UBA7: variants seen among roughly 807,000 people sequenced by gnomAD.
UBA7 encodes the protein ubiquitin like modifier activating enzyme 7.
In UBA7, 88 loss-of-function variants were observed where a neutral mutation model predicts 113.0. The observed-to-expected ratio is 0.78, with a 90% CI of 0.66 to 0.93. The LOEUF is 0.93. UBA7 is among the 40% of genes least tolerant of loss of function. The pLI is 0.00. For missense variants in UBA7, 1,092 were observed against 1,266.4 expected (o/e 0.86, Z 2.09); for synonymous variants, 459 against 513.0 (o/e 0.89, Z 1.42).
At position 49,806,074 on chromosome 3, in the gene UBA7, T is replaced by G; in HGVS notation, c.2807A>C (p.Gln936Pro). Residue 936 changes from glutamine (Q) to proline (P), a missense_variant and splice_region_variant, in exon 22 of 24, where the codon CAG becomes CCG. Around this residue, in one of 3 missense-constraint regions of UBA7, gnomAD observed 500 missense variants for 529.3 expected, o/e 0.94. Coordinates refer to ENST00000333486, the MANE Select transcript of UBA7 (RefSeq NM_003335.3). ...GGTTGGGGTAGCAACAGGGCACACC[T>G]GAAGATGAGCCAGCAGCGACTCCAG... Reference protein sequence around the residue: ...RTLESLLAHLQEQHGLRVRIL... With the variant: ...RTLESLLAHLPEQHGLRVRIL... 1.3e-6 allele frequency: 2 copies of G among 1,588,906 alleles called. No homozygotes were observed. The highest frequency in any genetic ancestry group is 1.7e-6 in the Non-Finnish European group (2 of 1,168,032).
At position 49,810,618 on chromosome 3, in the gene UBA7, G is replaced by C; in HGVS notation, c.1366C>G (p.Leu456Val). 1 of 1,614,160 alleles carries C rather than the reference G, an allele frequency of 6.2e-7. No homozygotes were observed. The highest frequency in any genetic ancestry group is 8.5e-7 in the Non-Finnish European group (1 of 1,180,022). Reference sequence around the variant, plus strand: ...AAGCCCCCGCTGTTCCCGGCCCCCAGTCCCACTAGGGCAAAGACTTTGAGC... The same window carrying C: ...AAGCCCCCGCTGTTCCCGGCCCCCACTCCCACTAGGGCAAAGACTTTGAGC... ...ELLKVFALVG[L>V]GAGNSGGLTV... is the part of the protein sequence containing the mutation. The change falls in exon 12 of 24, where the codon CTG becomes GTG. Residue 456 changes from leucine to valine, a missense_variant. Leu to Val is a conservative substitution (Grantham distance 32). Around this residue, in one of 3 missense-constraint regions of UBA7, gnomAD observed 584 missense variants for 714.5 expected, o/e 0.82. Transcript: ENST00000333486. The surrounding 1 kb of genome is among the most constrained non-coding windows in gnomAD (Gnocchi z 5.6).
rs1412024489 is a variant in UBA7 at position 49,812,347 on chromosome 3, T to C, written c.694+61A>G. ...GAAAAACCCATCCCAAGGGCCAGGC[T>C]GTGCTCACTTCCAGTGGAGGCTTGG... On this transcript the variant is annotated intron_variant, in intron 6 of 23. Transcript: ENST00000333486. 3 of 1,612,232 alleles carry C rather than the reference T, an allele frequency of 1.9e-6. No homozygotes were observed. In the Admixed American group the frequency reaches 5.0e-5, roughly 27 times the overall value.
Position 49,809,589 on chromosome 3 carries a change from A to C in UBA7, c.2041T>G (p.Phe681Val). 1 of 1,614,116 alleles carries C rather than the reference A, an allele frequency of 6.2e-7. No homozygotes were observed. The highest frequency in any genetic ancestry group is 1.1e-5 in the South Asian group (1 of 91,090). The change falls in exon 16 of 24, where the codon TTT becomes GTT. Residue 681 changes from phenylalanine to valine, a missense_variant. By Grantham distance (50) the Phe-to-Val change is conservative (BLOSUM62 -1). Transcript: ENST00000333486. The stretch of plus-strand genomic sequence containing the variant: ...AGCAGCTGTTTGATGCCATAATGAA[A>C]GCAGAGTTTCCAGTGGCCAAGAGCC... The part of the protein sequence containing the change: ...AWALGHWKLC[F>V]HYGIKQLLRH...
chr3:49,811,609 C>G lies in UBA7; in HGVS notation c.940-154G>C, dbSNP rs2081548932. ...GCCCTGCTGCCAGCCTGCACAGCACCACCAGAGGATGCCCAGTACCAGACA... is the reference window on the plus strand; with the variant it reads ...GCCCTGCTGCCAGCCTGCACAGCACGACCAGAGGATGCCCAGTACCAGACA... On this transcript the variant is annotated intron_variant, in intron 8 of 23. Transcript: ENST00000333486. The G allele has an allele frequency of 4.2e-6, 5 of 1,202,720 alleles. No individual in the cohort carries two copies. In the East Asian group the frequency reaches 1.3e-4, roughly 31 times the overall value. The allele number at this position is 1,202,720 out of a possible 1,614,324, so 74.5% of individuals were successfully genotyped here. A position where few individuals can be genotyped will look rare whatever the true frequency, so the allele number is the denominator to read the frequency against.
Position 49,810,030 on chromosome 3 carries a change from T to A in UBA7, c.1787A>T (p.Tyr596Phe). 1 of 1,613,610 alleles carries A rather than the reference T, an allele frequency of 6.2e-7. No individual in the cohort carries two copies. Among genetic ancestry groups the A allele is most frequent in the Non-Finnish European group, 8.5e-7 (1 of 1,179,936 alleles). Residue 596 changes from tyrosine to phenylalanine, a missense_variant, in exon 14 of 24, where the codon TAC (tyrosine) becomes TTC (phenylalanine). Tyr to Phe is a conservative substitution (Grantham distance 22, BLOSUM62 3). Transcript: ENST00000333486. This position sits in a 1 kb window ranked among gnomAD's most constrained non-coding sequence, Gnocchi z 5.6. Reference protein sequence around the residue: ...ASAAASEDAPYPVCTVRYFPS... With the variant: ...ASAAASEDAPFPVCTVRYFPS... ...GAAGTACCGCACGGTACAGACAGGG[T>A]AGGGGGCATCCTCAGAAGCTGCAGC...
chr3:49,807,667 G>A lies in UBA7; in HGVS notation c.2715+69C>T, dbSNP rs1575369121. 1.3e-6 allele frequency: 2 copies of A among 1,514,810 alleles called. No individual in the cohort carries two copies. Among genetic ancestry groups the A allele is most frequent in the East Asian group, 4.6e-5 (2 of 43,898 alleles). 93.8% of individuals were successfully genotyped at this position (1,514,810 alleles called of 1,614,324 possible). A position where few individuals can be genotyped will look rare whatever the true frequency, so the allele number is the denominator to read the frequency against. ...CAGTGAGAGCCGGCAGCTAGATTGG[G>A]GCCTGTATGGGCAGGTGCAGGGGAA... On this transcript the variant is annotated intron_variant, in intron 21 of 23. Transcript: ENST00000333486. The surrounding 1 kb of genome is among the most constrained non-coding windows in gnomAD (Gnocchi z 4.0).
At position 49,808,482 on chromosome 3, in the gene UBA7, G is replaced by A. The variant is rs754106128; in HGVS notation, c.2348-14C>T. The stretch of plus-strand genomic sequence containing the variant: ...GCTGCTCAGGGCCTGTCAGGGGAGG[G>A]GATGTTGAGGCAGTCCTTAGCCCCT... On this transcript the variant is annotated splice_polypyrimidine_tract_variant and intron_variant, in intron 18 of 23. Coordinates refer to ENST00000333486, the MANE Select transcript of UBA7 (RefSeq NM_003335.3). The A allele has an allele frequency of 5.0e-6, 8 of 1,613,504 alleles. No homozygotes were observed. The highest frequency in any genetic ancestry group is 2.2e-5 in the South Asian group (2 of 91,060).
chr3:49,813,593 C>T lies in UBA7; in HGVS notation c.111G>A (p.Val37=), dbSNP rs775189048. 3 of 1,614,186 alleles carry T rather than the reference C, an allele frequency of 1.9e-6. No individual in the cohort carries two copies. Among genetic ancestry groups the T allele is most frequent in the South Asian group, 2.2e-5 (2 of 91,092 alleles). The part of the protein sequence containing the change: ...MQRIQGARVL[V]SGLQGLGAEV... ...CGGCCCCCAGGCCCTGCAGGCCTGA[C>T]ACCAGGACCCTGGCTCCCTGAATCC... Residue 37 remains valine, a synonymous_variant, in exon 2 of 24, where the codon GTG becomes GTA. Transcript: ENST00000333486.
rs1161500842 is a variant in UBA7, at chr3:49,807,645, T to G, written c.2715+91A>C. 24 of 1,458,812 alleles carry G rather than the reference T, an allele frequency of 1.6e-5. No individual in the cohort carries two copies. The highest frequency in any genetic ancestry group is 2.0e-5 in the Non-Finnish European group (22 of 1,088,980). 90.4% of individuals were successfully genotyped at this position (1,458,812 alleles called of 1,614,324 possible). ...GACTTCTGCACAGTCTGAGTTTCAG[T>G]GAGAGCCGGCAGCTAGATTGGGGCC... On this transcript the variant is annotated intron_variant, in intron 21 of 23. Coordinates refer to ENST00000333486, the MANE Select transcript of UBA7 (RefSeq NM_003335.3). This position sits in a 1 kb window ranked among gnomAD's most constrained non-coding sequence, Gnocchi z 4.0.
Position 49,811,985 on chromosome 3 carries a change from T to C in UBA7, c.824A>G (p.His275Arg), listed in dbSNP as rs930110289. The C allele has an allele frequency of 7.4e-6, 12 of 1,614,044 alleles. No individual in the cohort carries two copies. The highest frequency in any genetic ancestry group is 6.7e-5 in the African/African-American group (5 of 74,924). The change falls in exon 8 of 24, where the codon CAT becomes CGT. Residue 275 changes from histidine to arginine, a missense_variant. Around this residue, in one of 3 missense-constraint regions of UBA7, gnomAD observed 584 missense variants for 714.5 expected, o/e 0.82. Coordinates refer to ENST00000333486, the MANE Select transcript of UBA7 (RefSeq NM_003335.3). ...TTCCTGGGAGCTCTGGGCCACCACA[T>C]GGGGCTGGAGCAGGGCTGTGTCCAG... ...KSLDTALLQP[H>R]VVAQSSQEVH...
rs770635545 is a variant in UBA7 at position 49,810,957 on chromosome 3, GC to G, written c.1230+26del. The G allele has an allele frequency of 6.2e-6, 10 of 1,612,940 alleles. No individual in the cohort carries two copies. In the Admixed American group the frequency reaches 8.3e-5, roughly 13 times the overall value. ...TCCCCTAGTCCTGATTTTGGACAAG[GC>G]TTGCACCCCTATCCCAGGCTCTCAC... On this transcript the variant is annotated intron_variant, in intron 10 of 23. Coordinates refer to ENST00000333486, the MANE Select transcript of UBA7 (RefSeq NM_003335.3). The surrounding 1 kb of genome is among the most constrained non-coding windows in gnomAD (Gnocchi z 5.6).
In UBA7 at chr3:49,809,663, A is replaced by G. The variant is rs530652370; in HGVS notation, c.1967T>C (p.Leu656Pro). The G allele has an allele frequency of 1.5e-4, 247 of 1,614,114 alleles. 3 individuals carry two copies. The South Asian group carries it at 2.5e-3, about 16-fold the overall frequency. The part of the protein sequence containing the change: ...PQTLTLLKPV[L>P]GVLRVRPQNW... ...CTGTGGACGCACTCTCAGGACCCCA[A>G]GCACTGGCTTCAGTAAGGTGAGTGT... Residue 656 changes from leucine (L) to proline (P), a missense_variant, in exon 16 of 24, where the codon CTT becomes CCT. Coordinates refer to ENST00000333486, the MANE Select transcript of UBA7 (RefSeq NM_003335.3).
At chr3:49,812,258 C>T in intron 6 of UBA7, 52 bp from the exon 7 acceptor site, 1 of 1,611,788 alleles carries the variant, frequency 6.2e-7, no homozygotes, top group Non-Finnish European at 8.5e-7. Context: ...GAGTAGTTCC[C>T]ACACCCCATC....
Position 49,813,293 on chromosome 3 carries a change from C to G in UBA7, c.316G>C (p.Val106Leu). The G allele has an allele frequency of 6.2e-7, 1 of 1,614,182 alleles. No individual in the cohort carries two copies. Reference sequence around the variant, plus strand: ...TCCTCAGTGATGTCACCCGTGTGCACGACGACCTGGACAGCTCTGTTGAGC... The same window carrying G: ...TCCTCAGTGATGTCACCCGTGTGCAGGACGACCTGGACAGCTCTGTTGAGC... ...AQLNRAVQVV[V>L]HTGDITEDLL... The change falls in exon 3 of 24, where the codon GTG (valine) becomes CTG (leucine). Residue 106 changes from valine (V) to leucine (L), a missense_variant. Physicochemically the swap from Val to Leu is conservative, Grantham distance 32. Coordinates refer to ENST00000333486, the MANE Select transcript of UBA7 (RefSeq NM_003335.3).
Position 49,813,187 on chromosome 3 carries a change from C to T in UBA7, c.361-19G>A. On this transcript the variant is annotated intron_variant, in intron 3 of 23. Coordinates refer to ENST00000333486, the MANE Select transcript of UBA7 (RefSeq NM_003335.3). Reference sequence around the variant, plus strand: ...CCACCACCTGGGTGGACACAGTGATCAGCAGGGCCAAAACCATTGCCCAGC... The same window carrying T: ...CCACCACCTGGGTGGACACAGTGATTAGCAGGGCCAAAACCATTGCCCAGC... The T allele has an allele frequency of 6.2e-7, 1 of 1,613,662 alleles. No individual in the cohort carries two copies. Among genetic ancestry groups the T allele is most frequent in the South Asian group, 1.1e-5 (1 of 91,000 alleles).
chr3:49,809,928 C>T lies in UBA7; in HGVS notation c.1840-49G>A, dbSNP rs1359772356. ...AGGTATCAGGTGGAGAACAGGTCTG[C>T]AGCTGAGGGCTGAGCTGGGTGGGGT... On this transcript the variant is annotated intron_variant, in intron 14 of 23. Coordinates refer to ENST00000333486, the MANE Select transcript of UBA7 (RefSeq NM_003335.3). The T allele has an allele frequency of 2.5e-6, 4 of 1,614,134 alleles. No homozygotes were observed. The South Asian group carries it at 3.3e-5, about 13-fold the overall frequency.
chr3:49,808,260 T>C, intron 19 of UBA7, 126 bp downstream of exon 19: 3 of 1,502,630 alleles, frequency 2.0e-6, no homozygotes, highest in Non-Finnish European at 2.8e-6. Flanking sequence ...GTTCAGGGAA[T>C]GTGAGCTGCT....
At chr3:49,813,208 C>T in intron 3 of UBA7, 40 bp from the exon 4 acceptor site, 1 of 1,613,502 alleles carries the variant, frequency 6.2e-7, no homozygotes, top group Non-Finnish European at 8.5e-7. Context: ...AAACCATTGC[C>T]CAGCCCTTCC....
chr3:49,808,865 A>G (rs2081496499), intron 18 of UBA7, 111 bp downstream of exon 18: 11 of 1,382,998 alleles, frequency 8.0e-6, no homozygotes, highest in Middle Eastern at 1.9e-4. Context: ...AGAGGTAGCA[A>G]ATTGGCTGTA....
Sources: gnomAD v4.1 joint callset for allele counts on GRCh38, gnomAD v4.1.1 for gene constraint, gnomAD v4.1.1 regional missense constraint, Gnocchi (gnomAD v3.1) non-coding constraint, MANE v1.5 for transcripts, NCBI Gene and HGNC (gene_info 2026-07-23, HGNC 2026-07-21) for gene names.